The following MCC variants were observed in gnomAD, a reference collection of about 807,000 sequenced individuals.
MCC encodes the protein colorectal mutant cancer protein.
In MCC, 90 loss-of-function variants were observed where a neutral mutation model predicts 116.2. That is an observed-to-expected ratio of 0.77 (90% CI 0.65 to 0.92). The LOEUF (loss-of-function observed/expected upper bound fraction) is 0.92, where lower values mean the gene tolerates loss of function less well. MCC is among the 40% of genes least tolerant of loss of function. The pLI is 0.00. For synonymous variants in MCC, 578 were observed against 510.5 expected, an observed-to-expected ratio of 1.13 and a Z score of -1.78; for missense variants, 1,516 against 1,312.2, an observed-to-expected ratio of 1.16 and a Z score of -2.40.
intron 3 of MCC, among the ~76,000 whole-genome samples, chr5:113,228,874 A>C (rs75686986): frequency 1.3e-5 from 2 of 152,202 alleles, no homozygotes; most frequent in Non-Finnish European, 2.9e-5. Flanking sequence ...TGGGGTATGA[A>C]GAAGAAGAAT....
intron 3 of MCC, among the ~76,000 whole-genome samples, chr5:113,259,094 C>A (rs973149726): frequency 5.9e-5 from 9 of 152,130 alleles, no homozygotes; most frequent in Non-Finnish European, 1.0e-4. Flanking sequence ...TAATTTACAA[C>A]AGCAAAATGC....
intron 6 of MCC, among the ~76,000 whole-genome samples, chr5:113,108,664 A>C (rs1391782788): frequency 6.6e-6 from 1 of 152,100 alleles, no homozygotes; most frequent in African/African-American, 2.4e-5. Context: ...AAAAAAAAAA[A>C]AAAAAAGGGA....
rs556170202 is a variant in MCC, at chr5:113,319,893, C to A, written c.627+20626G>T. The stretch of plus-strand genomic sequence containing the variant: ...GAAGTTCTTAGTGCCTTGCCTACTC[C>A]TGGGCAAACCCCAATGGCCATATGA... On this transcript the variant is annotated intron_variant, in intron 3 of 18. Coordinates refer to ENST00000408903, the MANE Select transcript of MCC (RefSeq NM_001085377.2). Among the ~76,000 whole-genome samples the A allele has an allele frequency of 1.8e-4, 27 of 152,308 alleles. No individual in the cohort carries two copies. The East Asian group carries it at 5.0e-3, about 28-fold the overall frequency.
At chr5:113,272,183 G>A (rs909075145) in intron 3 of MCC, among the ~76,000 whole-genome samples, 1 of 152,176 alleles carries the variant, frequency 6.6e-6, no homozygotes, top group Non-Finnish European at 1.5e-5. Flanking sequence ...GCCACTTACT[G>A]TGGGAGTCCA....
At chr5:113,476,880 G>T (rs1016703095) in intron 1 of MCC, among the ~76,000 whole-genome samples, 1 of 152,116 alleles carries the variant, frequency 6.6e-6, no homozygotes, top group Non-Finnish European at 1.5e-5. Context: ...GCTTTAAATG[G>T]GTTAATTATG....
intron 6 of MCC, among the ~76,000 whole-genome samples, chr5:113,108,129 G>C (rs2150259284): frequency 6.6e-6 from 1 of 152,128 alleles, no homozygotes; most frequent in South Asian, 2.1e-4. Flanking sequence ...TGGATCACCT[G>C]AGATCAGGAG....
intron 1 of MCC, among the ~76,000 whole-genome samples, chr5:113,480,827 G>C (rs1307424250): frequency 1.3e-5 from 2 of 152,030 alleles, no homozygotes; most frequent in Non-Finnish European, 2.9e-5. Context: ...CCCAGGCTGA[G>C]TGCAGTGGGT....
chr5:113,449,916 G>T lies in MCC; in HGVS notation c.170+38329C>A, dbSNP rs1285295942. Among the ~76,000 whole-genome samples, 3 of 152,076 alleles carry T rather than the reference G, an allele frequency of 2.0e-5. No individual in the cohort carries two copies. In the South Asian group the frequency reaches 6.2e-4, roughly 32 times the overall value. On this transcript the variant is annotated intron_variant, in intron 1 of 18. Transcript: ENST00000408903. ...ATAGTCCTATGTAGGTGAAGTACAC[G>T]GCTGCATTTGGAGTATGATTTTTTC...
intron 3 of MCC, among the ~76,000 whole-genome samples, chr5:113,248,467 C>T (rs951164480): frequency 2.0e-5 from 3 of 152,054 alleles, no homozygotes; most frequent in African/African-American, 7.2e-5. Context: ...TGAGTAAAGT[C>T]GATACAGGAT....
rs191172564 is a variant in MCC at position 113,035,850 on chromosome 5, C to T, written c.2757-6794G>A. On this transcript the variant is annotated intron_variant, in intron 17 of 18. Coordinates refer to ENST00000408903, the MANE Select transcript of MCC (RefSeq NM_001085377.2). ...CCACAGTGACTGTATCACATCATCC[C>T]GTTTCCTTCATGGTAATCACCACAA... is the stretch of plus-strand genomic sequence containing the variant. Among the ~76,000 whole-genome samples, 383 of 152,196 alleles carry T rather than the reference C, an allele frequency of 2.5e-3. 2 individuals carry two copies. The highest frequency in any genetic ancestry group is 3.2e-3 in the Non-Finnish European group (220 of 68,012).
Position 113,358,536 on chromosome 5 carries a change from A to G in MCC, c.416-17806T>C, listed in dbSNP as rs1404855338. 2.0e-5 allele frequency among the ~76,000 whole-genome samples: 3 copies of G among 152,288 alleles called. No individual in the cohort carries two copies. The East Asian group carries it at 5.8e-4, about 29-fold the overall frequency. ...CTGAGACCTGTATTAACAGTATCTT[A>G]TGATATTGTCTATGTTTAGTGGCCC... On this transcript the variant is annotated intron_variant, in intron 2 of 18. Transcript: ENST00000408903.
intron 3 of MCC, among the ~76,000 whole-genome samples, chr5:113,286,450 G>A (rs540914153): frequency 6.6e-6 from 1 of 152,290 alleles, no homozygotes; most frequent in East Asian, 1.9e-4. Flanking sequence ...CACACATTGA[G>A]GTTTCATGAA....
chr5:113,142,934 T>C (rs1286567892), intron 5 of MCC, among the ~76,000 whole-genome samples: 1 of 152,152 alleles, frequency 6.6e-6, no homozygotes, highest in Non-Finnish European at 1.5e-5. Context: ...TTCATACCCT[T>C]ATCAACAAAC....
At position 113,434,429 on chromosome 5, in the gene MCC, G is replaced by T; in HGVS notation, c.171-49217C>A. ...TGTCAAGGAGAAGGTTGTCACACTT[G>T]AGGTCCCGGTGGACGACGTCCAGGT... On this transcript the variant is annotated intron_variant, in intron 1 of 18. Transcript: ENST00000408903. The surrounding 1 kb of genome is among the most constrained non-coding windows in gnomAD (Gnocchi z 4.2). 1 of 1,613,946 alleles carries T rather than the reference G, an allele frequency of 6.2e-7. No homozygotes were observed. The highest frequency in any genetic ancestry group is 1.1e-5 in the South Asian group (1 of 91,042).
chr5:113,466,407 C>T (rs572088225), intron 1 of MCC, among the ~76,000 whole-genome samples: 16 of 144,982 alleles, frequency 1.1e-4, no homozygotes, highest in Non-Finnish European at 2.1e-4. Context: ...TTGTTCAATT[C>T]CCACCTATGA....
intron 17 of MCC, among the ~76,000 whole-genome samples, chr5:113,030,252 G>C (rs1411781328): frequency 6.6e-6 from 1 of 152,158 alleles, no homozygotes; most frequent in Non-Finnish European, 1.5e-5. Context: ...GGTTCCTAAA[G>C]ATACATCACT....
chr5:113,117,699 G>A (rs761529873), intron 6 of MCC, among the ~76,000 whole-genome samples: 4 of 152,252 alleles, frequency 2.6e-5, no homozygotes, highest in Non-Finnish European at 4.4e-5. Flanking sequence ...CAGAGGTGGG[G>A]AAAATGGTCC....
chr5:113,198,035 C>T (rs1762498462), intron 3 of MCC, among the ~76,000 whole-genome samples: 1 of 152,220 alleles, frequency 6.6e-6, no homozygotes. Context: ...GGTGGCCAGC[C>T]ACGCTGTGAG....
intron 2 of MCC, among the ~76,000 whole-genome samples, chr5:113,371,432 A>G (rs1392278821): frequency 6.6e-6 from 1 of 152,216 alleles, no homozygotes; most frequent in Non-Finnish European, 1.5e-5. Flanking sequence ...GCAAAATTTT[A>G]TCAAAGTACT....
Sources: gnomAD v4.1 joint callset for allele counts (sites outside exome capture counted in the v4.1 genomes callset) on GRCh38, gnomAD v4.1.1 for gene constraint, Gnocchi (gnomAD v3.1) non-coding constraint, MANE v1.5 for transcripts, NCBI Gene and HGNC (gene_info 2026-07-23, HGNC 2026-07-21) for gene names.